Variants in MACROD2 observed in about 807,000 individuals in gnomAD.
MACROD2 encodes the protein ADP-ribose glycohydrolase MACROD2.
In MACROD2, 36 loss-of-function variants were observed where a neutral mutation model predicts 70.4. That is an observed-to-expected ratio of 0.51 (90% CI 0.39 to 0.68). The LOEUF (loss-of-function observed/expected upper bound fraction) is 0.68, where lower values mean the gene tolerates loss of function less well. Among genes scored for constraint, MACROD2 ranks in the 30% least tolerant of loss-of-function variants. The probability of loss-of-function intolerance (pLI) is 0.00; values close to 1 mark genes in which losing one functional copy is unlikely to be tolerated. For missense variants in MACROD2, 496 were observed against 538.4 expected (o/e 0.92, Z 0.78); for synonymous variants, 172 against 178.8 (o/e 0.96, Z 0.30).
chr20:15,425,723 C>A (rs780581516), intron 6 of MACROD2, among the ~76,000 whole-genome samples: 2 of 152,198 alleles, frequency 1.3e-5, no homozygotes, highest in African/African-American at 4.8e-5. Flanking sequence ...CAGTCAGCCC[C>A]TTCCGATGGA....
At chr20:14,052,397 G>T (rs1045697864) in intron 2 of MACROD2, among the ~76,000 whole-genome samples, 2 of 152,034 alleles carry the variant, frequency 1.3e-5, no homozygotes, top group African/African-American at 2.4e-5. Flanking sequence ...TCTGTGAATT[G>T]TACTAAATTT....
intron 6 of MACROD2, among the ~76,000 whole-genome samples, chr20:15,354,430 A>G (rs1436700747): frequency 1.3e-5 from 2 of 152,170 alleles, no homozygotes; most frequent in Non-Finnish European, 1.5e-5. Flanking sequence ...CAGTACACCA[A>G]CATGGCACAT....
At chr20:14,497,067 G>A (rs1167947644) in intron 4 of MACROD2, among the ~76,000 whole-genome samples, 1 of 151,642 alleles carries the variant, frequency 6.6e-6, no homozygotes, top group Non-Finnish European at 1.5e-5. Context: ...CTGCTCTCCA[G>A]GTTTGCTTTT....
chr20:14,055,954 T>C (rs1476170004), intron 2 of MACROD2, among the ~76,000 whole-genome samples: 2 of 152,106 alleles, frequency 1.3e-5, no homozygotes, highest in Non-Finnish European at 2.9e-5. Context: ...AATTAATGGA[T>C]GCCAGTTTTT....
rs371102818 is a variant in MACROD2 at position 15,846,425 on chromosome 20, C to T, written c.646-16320C>T. ...GTGTTAGTTTGCCCCACCCCTCCAACATAGTCTACAAAGTGAAGGCAGCAC... is the reference window on the plus strand; with the variant it reads ...GTGTTAGTTTGCCCCACCCCTCCAATATAGTCTACAAAGTGAAGGCAGCAC... On this transcript the variant is annotated intron_variant, in intron 8 of 17. Coordinates refer to ENST00000684519, the MANE Select transcript of MACROD2 (RefSeq NM_001351661.2). 3.0e-3 allele frequency among the ~76,000 whole-genome samples: 449 copies of T among 152,186 alleles called. 3 individuals are homozygous for T. Among genetic ancestry groups the T allele is most frequent in the African/African-American group, 0.01 (431 of 41,518 alleles).
chr20:14,362,379 C>T (rs116715622), intron 3 of MACROD2, among the ~76,000 whole-genome samples: 114 of 152,218 alleles, frequency 7.5e-4, no homozygotes, highest in African/African-American at 2.7e-3. Context: ...CCCATGTGTG[C>T]TATGTGTAAC....
intron 2 of MACROD2, among the ~76,000 whole-genome samples, chr20:14,005,869 G>C (rs1252683909): frequency 6.6e-6 from 1 of 152,102 alleles, no homozygotes; most frequent in Non-Finnish European, 1.5e-5. Flanking sequence ...CTAAGGTGCT[G>C]GGATTACAGA....
chr20:14,137,271 CAAGAGT>C (rs1335011163), intron 3 of MACROD2, among the ~76,000 whole-genome samples: 1 of 152,126 alleles, frequency 6.6e-6, no homozygotes, highest in Non-Finnish European at 1.5e-5. Flanking sequence ...TCTATTCTTA[CAAGAGT>C]AAGCTAGAGA....
At chr20:15,713,521 T>C (rs552662376) in intron 8 of MACROD2, among the ~76,000 whole-genome samples, 1 of 149,782 alleles carries the variant, frequency 6.7e-6, no homozygotes, top group South Asian at 2.2e-4. Flanking sequence ...CAGGCATGTC[T>C]TCACCTCGAT....
intron 8 of MACROD2, among the ~76,000 whole-genome samples, chr20:15,606,202 A>G (rs1410756732): frequency 6.6e-6 from 1 of 151,926 alleles, no homozygotes; most frequent in Admixed American, 6.6e-5. Flanking sequence ...TTTCTTGTCA[A>G]TTTTTCAGTG....
rs570153647 is a variant in MACROD2 at position 14,171,383 on chromosome 20, A to G, written c.271+85655A>G. On this transcript the variant is annotated intron_variant, in intron 3 of 17. Coordinates refer to ENST00000684519, the MANE Select transcript of MACROD2 (RefSeq NM_001351661.2). The stretch of plus-strand genomic sequence containing the variant: ...TTTGTTATTTCTTTTCTTCTTCTGG[A>G]TTTGGATTTGGTTTGTTCTTGTTTC... 5.1e-3 allele frequency among the ~76,000 whole-genome samples: 764 copies of G among 150,884 alleles called. 3 individuals are homozygous for G. The highest frequency in any genetic ancestry group is 8.1e-3 in the Non-Finnish European group (547 of 67,594).
intron 12 of MACROD2, 88 bp from the exon 13 acceptor site, chr20:15,967,464 TC>T (rs1419066885): frequency 9.3e-7 from 1 of 1,074,804 alleles, no homozygotes; most frequent in Admixed American, 2.4e-5. Context: ...CTATTTTTCC[TC>T]AAACATAAAT....
At chr20:15,702,063 C>A (rs2146898547) in intron 8 of MACROD2, among the ~76,000 whole-genome samples, 2 of 152,258 alleles carry the variant, frequency 1.3e-5, no homozygotes, top group South Asian at 2.1e-4. Context: ...TCCAGTCTAC[C>A]ATTGATGGGC....
intron 5 of MACROD2, among the ~76,000 whole-genome samples, chr20:14,780,562 C>CA (rs763622429): frequency 0.67 from 82,630 of 123,872 alleles, 26,017 homozygotes; most frequent in Non-Finnish European, 0.69. Context: ...AACTCCGTCT[C>CA]AAAAAAAAAA....
At chr20:14,297,287 T>G (rs2082435796) in intron 3 of MACROD2, among the ~76,000 whole-genome samples, 1 of 151,858 alleles carries the variant, frequency 6.6e-6, no homozygotes, top group South Asian at 2.1e-4. Context: ...CCTATGTCTC[T>G]CACTTAAAAT....
At position 15,220,934 on chromosome 20, in the gene MACROD2, A is replaced by G. The variant is rs181032614; in HGVS notation, c.419-9006A>G. On this transcript the variant is annotated intron_variant, in intron 5 of 17. Coordinates refer to ENST00000684519, the MANE Select transcript of MACROD2 (RefSeq NM_001351661.2). ...AATTAATGACTGAGTGGATGATTGC[A>G]GAAGAGTCTTTCTTGTCCAGGCGTG... Among the ~76,000 whole-genome samples, 156 of 152,298 alleles carry G rather than the reference A, an allele frequency of 1.0e-3. 2 individuals carry two copies. The highest frequency in any genetic ancestry group is 3.5e-3 in the African/African-American group (147 of 41,574).
intron 2 of MACROD2, among the ~76,000 whole-genome samples, chr20:14,056,408 G>GT (rs563766647): frequency 3.8e-4 from 57 of 150,376 alleles, no homozygotes; most frequent in Middle Eastern, 7.0e-3. Flanking sequence ...AATTTTACCT[G>GT]TTTTTTTTGT....
intron 4 of MACROD2, among the ~76,000 whole-genome samples, chr20:14,611,239 C>T (rs1003592599): frequency 8.6e-5 from 13 of 151,956 alleles, no homozygotes; most frequent in African/African-American, 3.1e-4. Context: ...TGTGAAATGA[C>T]AATAATAATA....
chr20:15,104,218 C>T lies in MACROD2; in HGVS notation c.419-125722C>T, dbSNP rs998425196. On this transcript the variant is annotated intron_variant, in intron 5 of 17. Transcript: ENST00000684519. ...ACTGAAAGACTAACCTAGACAGGGACGCCACTGTCCTGTGAGTAGACTCTT... is the reference window on the plus strand; with the variant it reads ...ACTGAAAGACTAACCTAGACAGGGATGCCACTGTCCTGTGAGTAGACTCTT... Among the ~76,000 whole-genome samples the T allele has an allele frequency of 5.9e-5, 9 of 152,050 alleles. No individual in the cohort carries two copies. In the East Asian group the frequency reaches 1.2e-3, roughly 20 times the overall value.
Sources: allele counts gnomAD v4.1 joint callset (sites outside exome capture counted in the v4.1 genomes callset), GRCh38; gene constraint gnomAD v4.1.1; transcripts MANE v1.5; gene names NCBI Gene and HGNC (gene_info 2026-07-23, HGNC 2026-07-21).